Variants in ITIH1 observed in about 807,000 individuals in gnomAD.
ITIH1 encodes inter-alpha-trypsin inhibitor heavy chain 1, also known as inter-alpha-trypsin inhibitor heavy chain H1.
In ITIH1, 94 loss-of-function variants were observed where a neutral mutation model predicts 104.6. The observed-to-expected ratio is 0.90, with a 90% CI of 0.76 to 1.07. ITIH1 has a LOEUF of 1.07. ITIH1 is among the 50% of genes least tolerant of loss of function. ITIH1 has a pLI of 0.00. For missense variants in ITIH1, 1,193 were observed against 1,181.4 expected, an observed-to-expected ratio of 1.01 and a Z score of -0.14; for synonymous variants, 455 against 464.4, an observed-to-expected ratio of 0.98 and a Z score of 0.26.
chr3:52,786,854 ATG>A, intron 13 of ITIH1, 89 bp from the exon 14 acceptor site: 7 of 1,377,460 alleles, frequency 5.1e-6, no homozygotes, highest in Non-Finnish European at 7.0e-6. Context: ...GAATGAATGA[ATG>A]AATGAATGAA....
intron 17 of ITIH1, 31 bp downstream of exon 17, chr3:52,788,097 C>A: frequency 6.4e-7 from 1 of 1,569,708 alleles, no homozygotes. Context: ...GAGGGACACC[C>A]CTGTTTGGGA....
intron 1 of ITIH1, 120 bp from the exon 2 acceptor site, chr3:52,777,877 C>A (rs1420460183): frequency 6.3e-6 from 9 of 1,419,218 alleles, no homozygotes; most frequent in South Asian, 1.2e-5. Context: ...CCCAGCACCA[C>A]CAAGGAGGTG....
In ITIH1 at chr3:52,778,034, G is replaced by A; in HGVS notation, c.138+17G>A. On this transcript the variant is annotated intron_variant, in intron 2 of 21. Coordinates refer to ENST00000273283, the MANE Select transcript of ITIH1 (RefSeq NM_002215.4). ...GTGGACACCGTGAGTAAGAGTCCTG[G>A]CAAAGGGGTCTGTGACAGAGCCCTT... 6.2e-7 allele frequency: 1 copy of A among 1,614,062 alleles called. No individual in the cohort carries two copies. The highest frequency in any genetic ancestry group is 8.5e-7 in the Non-Finnish European group (1 of 1,179,914).
Position 52,788,219 on chromosome 3 carries a change from G to T in ITIH1, c.2006-13G>T. On this transcript the variant is annotated splice_polypyrimidine_tract_variant and intron_variant, in intron 17 of 21. Transcript: ENST00000273283. Reference sequence around the variant, plus strand: ...CGATGTCCAATCTAACGAATTCCATGCTGTGCCCCCAGTGGACACAGACCC... The same window carrying T: ...CGATGTCCAATCTAACGAATTCCATTCTGTGCCCCCAGTGGACACAGACCC... 6.3e-7 allele frequency: 1 copy of T among 1,586,608 alleles called. No homozygotes were observed. The highest frequency in any genetic ancestry group is 1.1e-5 in the South Asian group (1 of 89,616).
chr3:52,779,079 G>A lies in ITIH1; in HGVS notation c.410+33G>A. On this transcript the variant is annotated intron_variant, in intron 4 of 21. Coordinates refer to ENST00000273283, the MANE Select transcript of ITIH1 (RefSeq NM_002215.4). The surrounding 1 kb of genome is among the most constrained non-coding windows in gnomAD (Gnocchi z 4.4). ...CTGGGCCTGCTGGTCTCATCTCTAG[G>A]GCTGCCCTCCCCAGCCAGGACAGGT... 6.9e-7 allele frequency: 1 copy of A among 1,454,722 alleles called. No homozygotes were observed. Among genetic ancestry groups the A allele is most frequent in the Non-Finnish European group, 9.7e-7 (1 of 1,034,564 alleles). The allele number at this position is 1,454,722 out of a possible 1,614,324, so 90.1% of individuals were successfully genotyped here.
At chr3:52,781,803 G>T in intron 6 of ITIH1, 137 bp from the exon 7 acceptor site, 1 of 1,045,856 alleles carries the variant, frequency 9.6e-7, no homozygotes, top group Non-Finnish European at 1.4e-6. Flanking sequence ...CTAGGTGAGT[G>T]AGTGGCCCAC....
At chr3:52,783,457 C>A (rs1699115791) in intron 10 of ITIH1, 118 bp downstream of exon 10, 2 of 1,081,256 alleles carry the variant, frequency 1.8e-6, no homozygotes, top group Non-Finnish European at 2.7e-6. Flanking sequence ...AAGCTCAGGG[C>A]AAAATCAAGC....
chr3:52,777,869 C>A, intron 1 of ITIH1, 128 bp from the exon 2 acceptor site: 1 of 1,386,300 alleles, frequency 7.2e-7, no homozygotes, highest in Non-Finnish European at 1.0e-6. Context: ...GGTGACCTCC[C>A]AGCACCACCA....
intron 8 of ITIH1, 28 bp downstream of exon 8, chr3:52,782,295 C>T (rs1217151400): frequency 1.3e-6 from 2 of 1,554,304 alleles, no homozygotes; most frequent in Middle Eastern, 1.7e-4. Flanking sequence ...ACAGCTCACC[C>T]AGCAGAAGCT....
chr3:52,786,859 T>A, intron 13 of ITIH1, 86 bp from the exon 14 acceptor site: 1 of 1,403,884 alleles, frequency 7.1e-7, no homozygotes, highest in Non-Finnish European at 9.7e-7. Context: ...AATGAATGAA[T>A]GAATGAATGA....
In ITIH1 at chr3:52,778,479, A is replaced by T; in HGVS notation, c.278A>T (p.Lys93Met). The change falls in exon 3 of 22, where the codon AAG (lysine) becomes ATG (methionine). Residue 93 changes from lysine to methionine, a missense_variant. By Grantham distance (95) the Lys-to-Met change is moderately conservative. Coordinates refer to ENST00000273283, the MANE Select transcript of ITIH1 (RefSeq NM_002215.4). ...REVAFDLEIP[K>M]TAFISDFAVT... ...GTGGCCTTCGACCTGGAAATCCCCA[A>T]GACAGCATTCATCAGTGACTTTGCC... The T allele has an allele frequency of 2.5e-6, 4 of 1,614,266 alleles. No individual in the cohort carries two copies. Among genetic ancestry groups the T allele is most frequent in the Non-Finnish European group, 8.5e-7 (1 of 1,180,048 alleles).
chr3:52,790,788 G>A lies in ITIH1; in HGVS notation c.2361G>A (p.Val787=), dbSNP rs745439073. The A allele has an allele frequency of 6.2e-7, 1 of 1,613,208 alleles. No homozygotes were observed. Among genetic ancestry groups the A allele is most frequent in the Non-Finnish European group, 8.5e-7 (1 of 1,179,656 alleles). Residue 787 remains valine (V), a synonymous_variant, in exon 20 of 22, where the codon GTG becomes GTA. Transcript: ENST00000273283. ...VTINKKRNLV[V]SVDDGGTFEV... is the part of the protein sequence containing the mutation. Reference sequence around the variant, plus strand: ...TCAACAAGAAGAGGAACCTGGTGGTGTCTGTGGACGACGGTGGCACCTTTG... The same window carrying A: ...TCAACAAGAAGAGGAACCTGGTGGTATCTGTGGACGACGGTGGCACCTTTG...
chr3:52,787,728 C>T (rs1699238213), intron 16 of ITIH1, 116 bp downstream of exon 16: 1 of 1,273,830 alleles, frequency 7.9e-7, no homozygotes, highest in Non-Finnish European at 1.1e-6. Flanking sequence ...ATCTTTAGAA[C>T]AGACCTCTGA....
intron 8 of ITIH1, 92 bp from the exon 9 acceptor site, chr3:52,782,865 T>G: frequency 3.2e-6 from 4 of 1,263,796 alleles, no homozygotes; most frequent in Non-Finnish European, 4.5e-6. Context: ...GTCCACCCTG[T>G]GGATCTCTGA....
Position 52,786,413 on chromosome 3 carries a change from T to C in ITIH1, c.1712T>C (p.Ile571Thr). The change falls in exon 13 of 22, where the codon ATC becomes ACC. Residue 571 changes from isoleucine to threonine, a missense_variant. Ile to Thr is a moderately conservative substitution (Grantham distance 89). Coordinates refer to ENST00000273283, the MANE Select transcript of ITIH1 (RefSeq NM_002215.4). ...HVERLWAYLT[I>T]QELLAKRMKV... ...GAGCGCCTCTGGGCCTACCTCACCA[T>C]CCAGGAGCTGCTGGCCAAGCGGTAG... 6.3e-7 allele frequency: 1 copy of C among 1,585,728 alleles called. No individual in the cohort carries two copies. Among genetic ancestry groups the C allele is most frequent in the East Asian group, 2.3e-5 (1 of 43,264 alleles).
intron 8 of ITIH1, 36 bp downstream of exon 8, chr3:52,782,303 G>C: frequency 6.7e-7 from 1 of 1,503,400 alleles, no homozygotes. Context: ...CCCAGCAGAA[G>C]CTTCCACAGC....
chr3:52,784,250 G>T, intron 10 of ITIH1, 46 bp from the exon 11 acceptor site: 1 of 1,558,026 alleles, frequency 6.4e-7, no homozygotes, highest in South Asian at 1.2e-5. Context: ...TGCCCCACAT[G>T]CCTGTGGGCC....
Position 52,789,738 on chromosome 3 carries a change from C to T in ITIH1, c.2205C>T (p.Ile735=). Residue 735 remains isoleucine (I), a synonymous_variant, in exon 19 of 22, where the codon ATC becomes ATT. Transcript: ENST00000273283. ...HDGTYFGRLG[I]ANPATDFQLE... is the part of the protein sequence containing the mutation. ...GCACGTACTTCGGGCGGCTGGGAAT[C>T]GCAAACCCTGCCACGGACTTTCAGT... 4.3e-6 allele frequency: 7 copies of T among 1,614,234 alleles called. No homozygotes were observed. The South Asian group carries it at 4.4e-5, about 10-fold the overall frequency.
chr3:52,786,642 C>G (rs530623563), intron 13 of ITIH1, among the ~76,000 whole-genome samples: 13 of 152,346 alleles, frequency 8.5e-5, no homozygotes, highest in Admixed American at 4.6e-4. Flanking sequence ...TTTACCCACA[C>G]TCAGCACACA....
Sources: allele counts gnomAD v4.1 joint callset (sites outside exome capture counted in the v4.1 genomes callset), GRCh38; gene constraint gnomAD v4.1.1; non-coding constraint Gnocchi (gnomAD v3.1); transcripts MANE v1.5; gene names NCBI Gene and HGNC (gene_info 2026-07-23, HGNC 2026-07-21).